OPRD1: variants seen among roughly 807,000 people sequenced by gnomAD.
The protein encoded by OPRD1 is opioid receptor delta 1.
In OPRD1, 19 loss-of-function variants were observed where a neutral mutation model predicts 17.5. The observed-to-expected ratio is 1.09, with a 90% CI of 0.76 to 1.60. The LOEUF (loss-of-function observed/expected upper bound fraction) is 1.60, where lower values mean the gene tolerates loss of function less well. Among genes scored for constraint, OPRD1 ranks in the 40% most tolerant of loss-of-function variants. The pLI, the probability that OPRD1 is intolerant of heterozygous loss-of-function variation, is 0.00. For missense variants in OPRD1, 483 were observed against 547.2 expected, an observed-to-expected ratio of 0.88 and a Z score of 1.17; for synonymous variants, 256 against 240.9, an observed-to-expected ratio of 1.06 and a Z score of -0.58.
At chr1:28,843,216 C>A (rs1320527381) in intron 1 of OPRD1, among the ~76,000 whole-genome samples, 1 of 152,136 alleles carries the variant, frequency 6.6e-6, no homozygotes. Context: ...TCACCCCACT[C>A]CCAAGCTTAG....
intron 1 of OPRD1, among the ~76,000 whole-genome samples, chr1:28,813,087 G>A (rs1030649732): frequency 2.0e-5 from 3 of 152,196 alleles, no homozygotes; most frequent in African/African-American, 7.2e-5. Flanking sequence ...TCAGCACCTC[G>A]CCGTGGGGCC....
At chr1:28,859,506 G>A (rs2089091936) in intron 2 of OPRD1, among the ~76,000 whole-genome samples, 1 of 152,230 alleles carries the variant, frequency 6.6e-6, no homozygotes, top group Admixed American at 6.5e-5. Context: ...GGAATAGCTG[G>A]CCAGGGGGGC....
intron 1 of OPRD1, among the ~76,000 whole-genome samples, chr1:28,849,063 G>A (rs2088977183): frequency 6.6e-6 from 1 of 152,090 alleles, no homozygotes; most frequent in African/African-American, 2.4e-5. Context: ...TCTGGACTCA[G>A]GGCCAGCAGA....
chr1:28,858,820 A>T, intron 1 of OPRD1, 134 bp from the exon 2 acceptor site: 1 of 830,960 alleles, frequency 1.2e-6, no homozygotes, highest in Non-Finnish European at 1.9e-6. Flanking sequence ...TGCTGGGATT[A>T]CAGTTGTGAG....
Position 28,869,923 on chromosome 1 carries a change from T to C in OPRD1, c.*6640T>C, listed in dbSNP as rs2089203075. The C allele has an allele frequency of 6.6e-6, 1 of 152,264 alleles. No homozygotes were observed. Among genetic ancestry groups the C allele is most frequent in the Non-Finnish European group, 1.5e-5 (1 of 68,064 alleles). 9.4% of individuals were successfully genotyped at this position (152,264 alleles called of 1,614,324 possible). Reference sequence around the variant, plus strand: ...TGCCTTGGAAGTCCTGCTTGTTTGATAATTTTCTGACTGACTGCCATGTTG... The same window carrying C: ...TGCCTTGGAAGTCCTGCTTGTTTGACAATTTTCTGACTGACTGCCATGTTG... On this transcript the variant is annotated 3_prime_UTR_variant, in exon 3 of 3. Coordinates refer to ENST00000234961, the MANE Select transcript of OPRD1 (RefSeq NM_000911.4).
At chr1:28,844,314 A>G (rs542415394) in intron 1 of OPRD1, among the ~76,000 whole-genome samples, 3 of 152,270 alleles carry the variant, frequency 2.0e-5, no homozygotes, top group African/African-American at 7.2e-5. Flanking sequence ...TATTCAAGAC[A>G]GGGTCTCACT....
At chr1:28,855,561 G>T (rs1396022946) in intron 1 of OPRD1, among the ~76,000 whole-genome samples, 1 of 152,118 alleles carries the variant, frequency 6.6e-6, no homozygotes, top group Non-Finnish European at 1.5e-5. Flanking sequence ...AGGGGAGAGA[G>T]GGGGGCCGTG....
chr1:28,844,771 G>A (rs1193518859), intron 1 of OPRD1, among the ~76,000 whole-genome samples: 2 of 152,014 alleles, frequency 1.3e-5, no homozygotes, highest in Admixed American at 6.6e-5. Flanking sequence ...GGGTGACAGA[G>A]TCTCACTGTG....
At chr1:28,814,804 A>G (rs1436834672) in intron 1 of OPRD1, among the ~76,000 whole-genome samples, 1 of 152,192 alleles carries the variant, frequency 6.6e-6, no homozygotes, top group African/African-American at 2.4e-5. Context: ...AGGGGTCCCC[A>G]TGTTGCCAAG....
intron 1 of OPRD1, among the ~76,000 whole-genome samples, chr1:28,857,950 GC>G (rs2089072063): frequency 1.3e-5 from 2 of 151,430 alleles, no homozygotes; most frequent in South Asian, 4.2e-4. Context: ...GCACCACTAC[GC>G]CCAGCTAATT....
rs374903705 is a variant in OPRD1 at position 28,862,586 on chromosome 1, G to T, written c.578-156G>T. Among the ~76,000 whole-genome samples the T allele has an allele frequency of 5.5e-4, 84 of 152,296 alleles. 2 individuals are homozygous for T. The South Asian group carries it at 0.017, about 30-fold the overall frequency. The stretch of plus-strand genomic sequence containing the variant: ...TAAGAGTTCACCAAGTACCGAAGCC[G>T]AGGAGGACACTCCAGACAGAAGAAT... On this transcript the variant is annotated intron_variant, in intron 2 of 2. Transcript: ENST00000234961.
At chr1:28,858,910 A>G (rs750294449) in intron 1 of OPRD1, 44 bp from the exon 2 acceptor site, 1 of 1,554,144 alleles carries the variant, frequency 6.4e-7, no homozygotes, top group Non-Finnish European at 8.8e-7. Flanking sequence ...TGTGAAACTG[A>G]AATCTGTGAA....
At chr1:28,827,859 G>A (rs549891671) in intron 1 of OPRD1, among the ~76,000 whole-genome samples, 2 of 152,112 alleles carry the variant, frequency 1.3e-5, no homozygotes, top group Middle Eastern at 3.4e-3. Context: ...CAAGTTGCTG[G>A]GACTACATGT....
At chr1:28,823,861 T>A (rs1312663065) in intron 1 of OPRD1, among the ~76,000 whole-genome samples, 1 of 149,948 alleles carries the variant, frequency 6.7e-6, no homozygotes, top group Non-Finnish European at 1.5e-5. Context: ...GAACTCAAAC[T>A]TCAAGGTCCT....
chr1:28,825,235 T>A (rs145264886), intron 1 of OPRD1, among the ~76,000 whole-genome samples: 107 of 152,338 alleles, frequency 7.0e-4, no homozygotes, highest in Middle Eastern at 3.4e-3. Flanking sequence ...AGAAAGGTTC[T>A]GTGTCTTTTG....
At chr1:28,817,714 C>G (rs543898378) in intron 1 of OPRD1, among the ~76,000 whole-genome samples, 4 of 151,210 alleles carry the variant, frequency 2.6e-5, no homozygotes, top group African/African-American at 9.7e-5. Flanking sequence ...CTTAACTTCC[C>G]TTTTTTTTTG....
intron 1 of OPRD1, among the ~76,000 whole-genome samples, chr1:28,816,028 T>TA (rs2124255852): frequency 6.6e-6 from 1 of 152,256 alleles, no homozygotes; most frequent in East Asian, 1.9e-4. Flanking sequence ...GGGTGAGGAT[T>TA]AAGTGGCATA....
chr1:28,860,501 A>G (rs945780464), intron 2 of OPRD1, among the ~76,000 whole-genome samples: 4 of 152,214 alleles, frequency 2.6e-5, no homozygotes, highest in African/African-American at 7.2e-5. Context: ...TCTGAGTCAC[A>G]CTATATCATG....
intron 1 of OPRD1, among the ~76,000 whole-genome samples, chr1:28,831,890 A>G (rs1256314430): frequency 6.6e-6 from 1 of 152,196 alleles, no homozygotes; most frequent in Non-Finnish European, 1.5e-5. Flanking sequence ...GCTCTATGTG[A>G]AGCATTGCAC....
Sources: gnomAD v4.1 joint callset for allele counts (sites outside exome capture counted in the v4.1 genomes callset) on GRCh38, gnomAD v4.1.1 for gene constraint, MANE v1.5 for transcripts, NCBI Gene and HGNC (gene_info 2026-07-23, HGNC 2026-07-21) for gene names.